HIP1: variants seen among roughly 807,000 people sequenced by gnomAD.
The protein encoded by HIP1 is huntingtin interacting protein 1, also known as huntingtin-interacting protein 1.
A neutral mutation model predicts 147.6 loss-of-function variants in HIP1; 65 were observed. The observed-to-expected ratio is 0.44, with a 90% CI of 0.36 to 0.54. The LOEUF (loss-of-function observed/expected upper bound fraction) is 0.54, where lower values mean the gene tolerates loss of function less well. Among genes scored for constraint, HIP1 ranks in the 20% least tolerant of loss-of-function variants. HIP1 has a pLI of 0.00. For synonymous variants in HIP1, 479 were observed against 504.0 expected (o/e 0.95, Z 0.67); for missense variants, 1,061 against 1,299.6 (o/e 0.82, Z 2.82).
chr7:75,644,398 G>A (rs936261070), intron 1 of HIP1, among the ~76,000 whole-genome samples: 24 of 152,234 alleles, frequency 1.6e-4, no homozygotes, highest in Admixed American at 4.6e-4. Context: ...AGGTTCAAGC[G>A]ATTCTCCTGC....
chr7:75,587,502 G>T (rs1019981091), intron 4 of HIP1, among the ~76,000 whole-genome samples: 2 of 151,964 alleles, frequency 1.3e-5, no homozygotes, highest in East Asian at 3.9e-4. Flanking sequence ...CAGTATTATT[G>T]TAATTTATTG....
At chr7:75,692,919 C>T (rs1417202740) in intron 1 of HIP1, among the ~76,000 whole-genome samples, 1 of 151,774 alleles carries the variant, frequency 6.6e-6, no homozygotes, top group Non-Finnish European at 1.5e-5. Context: ...AATCCCAGCA[C>T]TTTGGGAGGC....
intron 1 of HIP1, among the ~76,000 whole-genome samples, chr7:75,647,400 A>G (rs1798835848): frequency 6.6e-6 from 1 of 152,062 alleles, no homozygotes; most frequent in Non-Finnish European, 1.5e-5. Flanking sequence ...TCCATCTCAA[A>G]AAACAAAACG....
intron 5 of HIP1, 31 bp downstream of exon 5, chr7:75,586,722 G>A (rs782383592): frequency 9.8e-6 from 14 of 1,427,826 alleles, no homozygotes; most frequent in Admixed American, 3.4e-5. Context: ...GGGAGGCGGC[G>A]GTGGCGGCAG....
intron 1 of HIP1, among the ~76,000 whole-genome samples, chr7:75,603,874 C>CA (rs1173570453): frequency 2.0e-5 from 3 of 146,880 alleles, no homozygotes; most frequent in Admixed American, 6.8e-5. Flanking sequence ...AACCCTGTCT[C>CA]AAAAAAAAGG....
At chr7:75,714,199 C>G (rs76662392) in intron 1 of HIP1, among the ~76,000 whole-genome samples, 13,473 of 151,386 alleles carry the variant, frequency 0.089, 985 homozygotes, top group African/African-American at 0.19. Context: ...GCCATCATGC[C>G]CGGCTAATTT....
At chr7:75,581,563 G>A (rs587729619) in intron 6 of HIP1, among the ~76,000 whole-genome samples, 46 of 152,336 alleles carry the variant, frequency 3.0e-4, no homozygotes, top group Middle Eastern at 3.4e-3. Flanking sequence ...CGGATCACCT[G>A]AGGTCAGGAG....
intron 1 of HIP1, among the ~76,000 whole-genome samples, chr7:75,660,232 AAAT>A (rs1554513412): frequency 2.7e-5 from 4 of 146,914 alleles, no homozygotes; most frequent in African/African-American, 5.0e-5. Flanking sequence ...AAAAAAAAAA[AAAT>A]GGCAGCATGG....
Position 75,535,273 on chromosome 7 carries a change from A to G in HIP1, c.*2899T>C, listed in dbSNP as rs116104889. On this transcript the variant is annotated 3_prime_UTR_variant, in exon 31 of 31. Coordinates refer to ENST00000336926, the MANE Select transcript of HIP1 (RefSeq NM_005338.7). ...TTTTTGTTTGTTTTTAAAGAGATGG[A>G]GTCTCGCTCTGTCACTCAGGCTGGA... 3.1e-3 allele frequency: 638 copies of G among 202,654 alleles called. 7 individuals carry two copies. The highest frequency in any genetic ancestry group is 0.014 in the African/African-American group (594 of 43,700). 12.6% of individuals were successfully genotyped at this position (202,654 alleles called of 1,614,324 possible).
At chr7:75,634,821 T>A (rs1798365499) in intron 1 of HIP1, among the ~76,000 whole-genome samples, 1 of 151,686 alleles carries the variant, frequency 6.6e-6, no homozygotes, top group African/African-American at 2.4e-5. Flanking sequence ...ATGTCTGTGG[T>A]CCTAGCTACT....
chr7:75,591,840 G>C (rs1796511407), intron 4 of HIP1, among the ~76,000 whole-genome samples: 1 of 152,040 alleles, frequency 6.6e-6, no homozygotes, highest in Non-Finnish European at 1.5e-5. Context: ...AAGCTCCCAG[G>C]CCCTGGAACT....
chr7:75,670,672 G>A (rs957053878), intron 1 of HIP1, among the ~76,000 whole-genome samples: 3 of 151,650 alleles, frequency 2.0e-5, no homozygotes, highest in Non-Finnish European at 4.4e-5. Flanking sequence ...GGAGTGCTGT[G>A]GCACAAACAC....
chr7:75,720,629 A>G (rs758574199), intron 1 of HIP1, among the ~76,000 whole-genome samples: 42 of 152,226 alleles, frequency 2.8e-4, no homozygotes, highest in Admixed American at 1.2e-3. Flanking sequence ...TCTCTATGTC[A>G]AACAGGTTTA....
At chr7:75,631,657 AATTT>A (rs1554508934) in intron 1 of HIP1, among the ~76,000 whole-genome samples, 2 of 151,996 alleles carry the variant, frequency 1.3e-5, no homozygotes, top group Admixed American at 6.6e-5. Flanking sequence ...ACACATGGGG[AATTT>A]ATTTATTTTT....
chr7:75,664,130 A>G (rs530770589), intron 1 of HIP1, among the ~76,000 whole-genome samples: 1 of 50,934 alleles, frequency 2.0e-5, no homozygotes, highest in South Asian at 6.0e-4. Context: ...ATGCACACAC[A>G]TGTGTGTACA....
intron 19 of HIP1, 131 bp from the exon 20 acceptor site, chr7:75,554,657 A>G: frequency 1.6e-6 from 1 of 637,606 alleles, no homozygotes; most frequent in Non-Finnish European, 2.8e-6. Flanking sequence ...TTCATGAGTA[A>G]TCACCTCTTG....
In HIP1 at chr7:75,639,026, G is replaced by A. The variant is rs1466911644; in HGVS notation, c.121-39779C>T. On this transcript the variant is annotated intron_variant, in intron 1 of 30. Coordinates refer to ENST00000336926, the MANE Select transcript of HIP1 (RefSeq NM_005338.7). ...GCTGGGGGTGTGGGGAGGGGGCTCGGGGCAAAGCCCCTGCTCACACTTACC... is the reference window on the plus strand; with the variant it reads ...GCTGGGGGTGTGGGGAGGGGGCTCGAGGCAAAGCCCCTGCTCACACTTACC... 3 of 969,238 alleles carry A rather than the reference G, an allele frequency of 3.1e-6. No homozygotes were observed. The African/African-American group carries it at 5.3e-5, about 17-fold the overall frequency. 60.0% of individuals were successfully genotyped at this position (969,238 alleles called of 1,614,324 possible). A position where few individuals can be genotyped will look rare whatever the true frequency, so the allele number is the denominator to read the frequency against.
chr7:75,638,679 T>C (rs1181256317), intron 1 of HIP1, among the ~76,000 whole-genome samples: 2 of 152,102 alleles, frequency 1.3e-5, no homozygotes, highest in African/African-American at 4.8e-5. Flanking sequence ...CGATCTCCTG[T>C]AGGTGTGCGG....
At chr7:75,670,911 C>T (rs187497844) in intron 1 of HIP1, among the ~76,000 whole-genome samples, 25 of 150,418 alleles carry the variant, frequency 1.7e-4, no homozygotes, top group South Asian at 4.2e-4. Flanking sequence ...CGTGAGCCAC[C>T]GCGCCCGGTC....
Sources: allele counts gnomAD v4.1 joint callset (sites outside exome capture counted in the v4.1 genomes callset), GRCh38; gene constraint gnomAD v4.1.1; transcripts MANE v1.5; gene names NCBI Gene and HGNC (gene_info 2026-07-23, HGNC 2026-07-21).